The following NUP88 variants were observed in gnomAD, a reference collection of about 807,000 sequenced individuals.
NUP88 encodes nuclear pore complex protein Nup88.
In NUP88, 57 loss-of-function variants were observed where a neutral mutation model predicts 93.9. The observed-to-expected ratio is 0.61, with a 90% CI of 0.49 to 0.76. The LOEUF is 0.76. Among genes scored for constraint, NUP88 ranks in the 30% least tolerant of loss-of-function variants. The pLI is 0.00. For synonymous variants in NUP88, 346 were observed against 336.8 expected, an observed-to-expected ratio of 1.03 and a Z score of -0.30; for missense variants, 911 against 901.0, an observed-to-expected ratio of 1.01 and a Z score of -0.14.
intron 5 of NUP88, among the ~76,000 whole-genome samples, chr17:5,405,545 G>A (rs748669569): frequency 1.3e-5 from 2 of 152,124 alleles, no homozygotes; most frequent in Non-Finnish European, 2.9e-5. Flanking sequence ...GACAGAAGCC[G>A]CTAAACATTC....
rs2407 is a variant in NUP88, at chr17:5,385,708, G to C, written c.*498C>G. On this transcript the variant is annotated 3_prime_UTR_variant, in exon 17 of 17. Transcript: ENST00000573584. ...AGTGGCCTTTGCAATTGTGGATCTT[G>C]AGCTCTGCTCTCAGCAGATTTCAGG... The C allele has an allele frequency of 4.3e-6, 1 of 230,696 alleles. No homozygotes were observed. Among genetic ancestry groups the C allele is most frequent in the Non-Finnish European group, 8.6e-6 (1 of 116,768 alleles). 14.3% of individuals were successfully genotyped at this position (230,696 alleles called of 1,614,324 possible). A position where few individuals can be genotyped will look rare whatever the true frequency, so the allele number is the denominator to read the frequency against.
At chr17:5,400,722 C>A (rs1192134486) in intron 7 of NUP88, among the ~76,000 whole-genome samples, 1 of 152,128 alleles carries the variant, frequency 6.6e-6, no homozygotes, top group Non-Finnish European at 1.5e-5. Flanking sequence ...GAAGCAAATG[C>A]ACTTCTACAG....
In NUP88 at chr17:5,387,907, T is replaced by TA. The variant is rs776728833; in HGVS notation, c.1644-4dup. ...GGGCTATGTCCTTTTCAGAAGCTCT[T>TA]AAAAACAAAGTTTCTACCTTTATTT... is the stretch of plus-strand genomic sequence containing the variant. On this transcript the variant is annotated splice_polypyrimidine_tract_variant and splice_region_variant and intron_variant, in intron 11 of 16. Transcript: ENST00000573584. 4.3e-6 allele frequency: 7 copies of TA among 1,611,546 alleles called. No homozygotes were observed. Among genetic ancestry groups the TA allele is most frequent in the Non-Finnish European group, 4.2e-6 (5 of 1,179,056 alleles).
chr17:5,413,207 A>G (rs970925887), intron 3 of NUP88, among the ~76,000 whole-genome samples: 14 of 152,030 alleles, frequency 9.2e-5, no homozygotes, highest in African/African-American at 3.4e-4. Flanking sequence ...CAGGGGCTCA[A>G]ATGATCCTCC....
chr17:5,407,823 T>A (rs1806249), intron 5 of NUP88, among the ~76,000 whole-genome samples: 2 of 151,914 alleles, frequency 1.3e-5, no homozygotes, highest in African/African-American at 4.8e-5. Flanking sequence ...TGTTATCTAC[T>A]GTGTTTCATT....
chr17:5,396,346 T>A lies in NUP88; in HGVS notation c.1292-1365A>T, dbSNP rs1912774661. Among the ~76,000 whole-genome samples, 3 of 152,340 alleles carry A rather than the reference T, an allele frequency of 2.0e-5. No individual in the cohort carries two copies. The South Asian group carries it at 6.2e-4, about 32-fold the overall frequency. On this transcript the variant is annotated intron_variant, in intron 8 of 16. Transcript: ENST00000573584. ...ACCTAGGCAACTAATCTACTTTCTG[T>A]CTCTGTACATTTGTCTATTCTGGAC...
intron 10 of NUP88, among the ~76,000 whole-genome samples, chr17:5,390,380 A>AT (rs1212281501): frequency 1.3e-5 from 2 of 152,170 alleles, no homozygotes; most frequent in African/African-American, 4.8e-5. Flanking sequence ...TTCAGTGTAA[A>AT]TAACACAAAA....
intron 9 of NUP88, among the ~76,000 whole-genome samples, chr17:5,393,680 C>T (rs535804772): frequency 1.3e-5 from 2 of 152,170 alleles, no homozygotes; most frequent in Admixed American, 1.3e-4. Flanking sequence ...GTGTGATCCA[C>T]CCACCTCGAT....
chr17:5,416,355 T>C (rs1416345849), intron 2 of NUP88, among the ~76,000 whole-genome samples, 158 bp downstream of exon 2: 4 of 151,838 alleles, frequency 2.6e-5, no homozygotes, highest in African/African-American at 9.7e-5. Context: ...CAATTACACA[T>C]ATACTATGAA....
At position 5,414,017 on chromosome 17, in the gene NUP88, G is replaced by A. The variant is rs142150943; in HGVS notation, c.585C>T (p.Asn195=). ...AGAGAAATAAAATTTACCTGATTAC[G>A]TTGTCTGATGTTAACAGCACTACGT... ...DPHVVLLTSD[N]VIRIYSLREP... The change falls in exon 3 of 17, where the codon AAC becomes AAT. Residue 195 remains asparagine (N), a synonymous_variant. Transcript: ENST00000573584. The A allele has an allele frequency of 8.6e-5, 138 of 1,613,442 alleles. 1 individual carries two copies. In the African/African-American group the frequency reaches 1.2e-3, roughly 14 times the overall value.
At position 5,408,905 on chromosome 17, in the gene NUP88, C is replaced by A. The variant is rs773460313; in HGVS notation, c.685G>T (p.Ala229Ser). 1 of 1,572,590 alleles carries A rather than the reference C, an allele frequency of 6.4e-7. No homozygotes were observed. The highest frequency in any genetic ancestry group is 2.3e-5 in the East Asian group (1 of 43,642). ...GTCTCTCCTAGAGATGCGGTATACG[C>A]CCTTCTGGAAAGAGATGTAAAAACC... ...EESLVLNKGR[A>S]YTASLGETAV... Residue 229 changes from alanine to serine, a missense_variant, in exon 5 of 17, where the codon GCG becomes TCG. Ala to Ser is a moderately conservative substitution (Grantham distance 99). Coordinates refer to ENST00000573584, the MANE Select transcript of NUP88 (RefSeq NM_002532.6).
Position 5,387,874 on chromosome 17 carries a change from A to AG in NUP88, c.1673dup (p.Glu559Ter). The AG allele has an allele frequency of 6.2e-7, 1 of 1,613,912 alleles. No individual in the cohort carries two copies. Among genetic ancestry groups the AG allele is most frequent in the Non-Finnish European group, 8.5e-7 (1 of 1,179,792 alleles). ...TGCTGAGGAGCTGAAGGCATTCTTCAGGAGGAGGGGCTATGTCCTTTTCAG... is the reference window on the plus strand; with the variant it reads ...TGCTGAGGAGCTGAAGGCATTCTTCAGGGAGGAGGGGCTATGTCCTTTTCAG... On this transcript the variant is annotated frameshift_variant, in exon 12 of 17. Transcript: ENST00000573584. LOFTEE classifies it high-confidence loss of function.
In NUP88 at chr17:5,419,293, G is replaced by A. The variant is rs553661633; in HGVS notation, c.297+61C>T. On this transcript the variant is annotated intron_variant, in intron 1 of 16. Transcript: ENST00000573584. ...ATGAAAAACAGCCAAGAGGAGCAAG[G>A]AACAAAAAAGACTGGTTCCGATCCC... 229 of 1,483,020 alleles carry A rather than the reference G, an allele frequency of 1.5e-4. No homozygotes were observed. In the African/African-American group the frequency reaches 2.5e-3, roughly 16 times the overall value. The allele number at this position is 1,483,020 out of a possible 1,614,324, so 91.9% of individuals were successfully genotyped here. A position where few individuals can be genotyped will look rare whatever the true frequency, so the allele number is the denominator to read the frequency against.
Position 5,418,437 on chromosome 17 carries a change from A to G in NUP88, c.297+917T>C, listed in dbSNP as rs1455758260. 3.3e-5 allele frequency among the ~76,000 whole-genome samples: 5 copies of G among 152,160 alleles called. No individual in the cohort carries two copies. In the East Asian group the frequency reaches 9.8e-4, roughly 30 times the overall value. The stretch of plus-strand genomic sequence containing the variant: ...CCTGGCTAATTTTTGTATTTTTAGT[A>G]GAGACGGGGTTTCACCATGTTGGCC... On this transcript the variant is annotated intron_variant, in intron 1 of 16. Coordinates refer to ENST00000573584, the MANE Select transcript of NUP88 (RefSeq NM_002532.6).
At chr17:5,399,046 G>A (rs1288171659) in intron 8 of NUP88, among the ~76,000 whole-genome samples, 2 of 151,088 alleles carry the variant, frequency 1.3e-5, no homozygotes, top group East Asian at 3.9e-4. Flanking sequence ...CCGCCACCAC[G>A]CCCGGAGAAT....
At chr17:5,415,403 G>A (rs1914078657) in intron 2 of NUP88, among the ~76,000 whole-genome samples, 1 of 152,148 alleles carries the variant, frequency 6.6e-6, no homozygotes, top group Non-Finnish European at 1.5e-5. Context: ...CAGTACAAGT[G>A]TTTTCAGATA....
Position 5,408,840 on chromosome 17 carries a change from T to C in NUP88, c.750A>G (p.Pro250=), listed in dbSNP as rs1312035061. Residue 250 remains proline (P), a synonymous_variant, in exon 5 of 17, where the codon CCA becomes CCG. Coordinates refer to ENST00000573584, the MANE Select transcript of NUP88 (RefSeq NM_002532.6). ...TGCCGTTTTGTCCAAATAGAGTCTT[T>C]GGGACTGCTGCCAATGGCCCAAAGT... The part of the protein sequence containing the change: ...AFDFGPLAAV[P]KTLFGQNGKD... The C allele has an allele frequency of 1.9e-6, 3 of 1,613,972 alleles. No individual in the cohort carries two copies. The highest frequency in any genetic ancestry group is 2.7e-5 in the African/African-American group (2 of 74,928).
At chr17:5,390,438 A>G (rs752127285) in intron 10 of NUP88, among the ~76,000 whole-genome samples, 9 of 152,174 alleles carry the variant, frequency 5.9e-5, no homozygotes, top group Non-Finnish European at 1.0e-4. Context: ...TCAAGCTTCA[A>G]AGACTATGGA....
At chr17:5,391,991 T>C (rs1210877148) in intron 9 of NUP88, among the ~76,000 whole-genome samples, 2 of 152,180 alleles carry the variant, frequency 1.3e-5, no homozygotes. Context: ...TGCTAACAAA[T>C]TAAGTGCTTA....
Sources: allele counts gnomAD v4.1 joint callset (sites outside exome capture counted in the v4.1 genomes callset), GRCh38; gene constraint gnomAD v4.1.1; transcripts MANE v1.5; gene names NCBI Gene and HGNC (gene_info 2026-07-23, HGNC 2026-07-21).